ZNF506: variants seen among roughly 807,000 people sequenced by gnomAD.
ZNF506 encodes zinc finger protein 506.
ZNF506 carries 10 observed loss-of-function variants against 11.6 expected under a neutral mutation model. The observed-to-expected ratio is 0.86, with a 90% CI of 0.53 to 1.46. The LOEUF is 1.46. ZNF506 is among the 40% of genes most tolerant of loss of function. ZNF506 has a pLI of 0.00. For missense variants in ZNF506, 425 were observed against 521.2 expected (o/e 0.82, Z 1.80); for synonymous variants, 156 against 173.3 (o/e 0.90, Z 0.78).
chr19:19,807,170 T>C (rs2062842262), intron 1 of ZNF506, 102 bp from the exon 2 acceptor site: 1 of 1,554,632 alleles, frequency 6.4e-7, no homozygotes, highest in Admixed American at 2.0e-5. Flanking sequence ...GGTTCTGACT[T>C]ATAGGACTAA....
chr19:19,808,252 T>C (rs1337620215), intron 1 of ZNF506, among the ~76,000 whole-genome samples: 1 of 149,600 alleles, frequency 6.7e-6, no homozygotes, highest in African/African-American at 2.5e-5. Flanking sequence ...GCCTCCCGAG[T>C]AGCTGGGACT....
intron 1 of ZNF506, among the ~76,000 whole-genome samples, chr19:19,812,882 C>T (rs1229835663): frequency 6.6e-6 from 1 of 152,196 alleles, no homozygotes; most frequent in African/African-American, 2.4e-5. Context: ...GCATGAGAAA[C>T]ATGAACATTA....
intron 1 of ZNF506, among the ~76,000 whole-genome samples, chr19:19,811,737 G>A (rs556364692): frequency 6.6e-6 from 1 of 152,120 alleles, no homozygotes; most frequent in African/African-American, 2.4e-5. Flanking sequence ...GGGTGGCAGA[G>A]GTTGCAGTGA....
intron 3 of ZNF506, among the ~76,000 whole-genome samples, chr19:19,804,128 A>T (rs8106100): frequency 6.6e-6 from 1 of 151,832 alleles, no homozygotes; most frequent in Non-Finnish European, 1.5e-5. Flanking sequence ...CAAAAGAAAC[A>T]ACCATCAGAA....
chr19:19,804,698 G>A (rs1356251864), intron 3 of ZNF506, among the ~76,000 whole-genome samples: 1 of 152,136 alleles, frequency 6.6e-6, no homozygotes, highest in African/African-American at 2.4e-5. Flanking sequence ...GTCCATCAAT[G>A]ACAGACTGGA....
At chr19:19,801,290 A>C (rs1359421551) in intron 3 of ZNF506, among the ~76,000 whole-genome samples, 1 of 152,246 alleles carries the variant, frequency 6.6e-6, no homozygotes, top group Non-Finnish European at 1.5e-5. Flanking sequence ...CAGGAGTTCA[A>C]GATCAGCCTG....
intron 3 of ZNF506, chr19:19,796,006 C>G (rs943655039): frequency 1.7e-5 from 5 of 286,764 alleles, no homozygotes; most frequent in African/African-American, 6.8e-5. Flanking sequence ...ATTGCGGGCC[C>G]GGTGTGGTAG....
rs531593791 is a variant in ZNF506, at chr19:19,817,487, A to G, written c.3+4114T>C. ...AGTACCTCAAAACAATAACAACTTC[A>G]TCATCAGTAAGACTCTCTCAGTTTC... On this transcript the variant is annotated intron_variant, in intron 1 of 3. Coordinates refer to ENST00000540806, the MANE Select transcript of ZNF506 (RefSeq NM_001099269.3). 4.6e-5 allele frequency among the ~76,000 whole-genome samples: 7 copies of G among 151,416 alleles called. No individual in the cohort carries two copies. In the East Asian group the frequency reaches 1.4e-3, roughly 29 times the overall value.
chr19:19,797,340 G>C (rs932613711), intron 3 of ZNF506: 2 of 151,938 alleles, frequency 1.3e-5, no homozygotes, highest in African/African-American at 4.8e-5. Flanking sequence ...CAGCTATTCA[G>C]GGGGCTGAGG....
intron 3 of ZNF506, chr19:19,797,115 GC>G (rs2062748869): frequency 6.8e-6 from 1 of 146,800 alleles, no homozygotes; most frequent in Non-Finnish European, 1.5e-5. Flanking sequence ...ATTTTCAAAA[GC>G]AACAATAAAA....
intron 1 of ZNF506, among the ~76,000 whole-genome samples, chr19:19,816,546 G>A (rs891419727): frequency 5.3e-5 from 8 of 152,128 alleles, no homozygotes; most frequent in African/African-American, 1.9e-4. Flanking sequence ...TTGTAGTAGA[G>A]ACAGGGTTTC....
At chr19:19,812,126 C>G (rs916073559) in intron 1 of ZNF506, among the ~76,000 whole-genome samples, 2 of 152,172 alleles carry the variant, frequency 1.3e-5, no homozygotes, top group African/African-American at 4.8e-5. Flanking sequence ...ATCTGGGTAC[C>G]AACCAAAGAC....
At position 19,794,103 on chromosome 19, in the gene ZNF506, A is replaced by G. The variant is rs2062717179; in HGVS notation, c.*449T>C. On this transcript the variant is annotated 3_prime_UTR_variant, in exon 4 of 4. Transcript: ENST00000540806. Reference sequence around the variant, plus strand: ...GGTGGGTGGACCATCTGAGGTCAGGAGTTGGAGACCAGTCTGGCAAACATG... The same window carrying G: ...GGTGGGTGGACCATCTGAGGTCAGGGGTTGGAGACCAGTCTGGCAAACATG... The G allele has an allele frequency of 6.3e-6, 1 of 158,560 alleles. No homozygotes were observed. Among genetic ancestry groups the G allele is most frequent in the South Asian group, 1.8e-4 (1 of 5,556 alleles). The allele number at this position is 158,560 out of a possible 1,614,324, so 9.8% of individuals were successfully genotyped here.
chr19:19,795,236 A>G lies in ZNF506; in HGVS notation c.651T>C (p.Thr217=), dbSNP rs1209094043. 3.7e-6 allele frequency: 6 copies of G among 1,613,874 alleles called. No individual in the cohort carries two copies. Among genetic ancestry groups the G allele is most frequent in the Middle Eastern group, 1.6e-4 (1 of 6,082 alleles). ...GKAYKQSSHL[T]THKKIHTGEK... ...CTCCAGTATGAATTTTCTTATGTGT[A>G]GTAAGGTGTGAGGACTGCTTATAGG... Residue 217 remains threonine, a synonymous_variant, in exon 4 of 4, where the codon ACT becomes ACC. Transcript: ENST00000540806.
chr19:19,821,497 T>A, intron 1 of ZNF506, 104 bp downstream of exon 1: 2 of 1,468,238 alleles, frequency 1.4e-6, no homozygotes, highest in Non-Finnish European at 9.5e-7. Flanking sequence ...TGGAGCTGAC[T>A]GCCGGGAGGC....
At position 19,794,674 on chromosome 19, in the gene ZNF506, C is replaced by T; in HGVS notation, c.1213G>A (p.Ala405Thr). 2.5e-6 allele frequency: 4 copies of T among 1,614,102 alleles called. No homozygotes were observed. The highest frequency in any genetic ancestry group is 1.1e-5 in the South Asian group (1 of 91,074). Residue 405 changes from alanine (A) to threonine (T), a missense_variant, in exon 4 of 4, where the codon GCT becomes ACT. By Grantham distance (58) the Ala-to-Thr change is moderately conservative. Transcript: ENST00000540806. ...TTAAGGGCTGAGGACCAGTTAAAAG[C>T]TTTGCCACATTCTTCACATTTGTAC... ...KPYKCEECGKAFNWSSALNKH... is the reference protein window; with the variant it reads ...KPYKCEECGKTFNWSSALNKH...
intron 3 of ZNF506, among the ~76,000 whole-genome samples, chr19:19,803,503 T>C (rs1265400297): frequency 1.3e-5 from 2 of 152,214 alleles, no homozygotes; most frequent in Non-Finnish European, 2.9e-5. Context: ...AAACATGTCC[T>C]AATGTCTGCC....
chr19:19,807,550 A>T (rs914486991), intron 1 of ZNF506, among the ~76,000 whole-genome samples: 4 of 152,116 alleles, frequency 2.6e-5, no homozygotes, highest in African/African-American at 9.7e-5. Context: ...CTTGTTGCCC[A>T]GGCTGGAGTG....
Position 19,806,050 on chromosome 19 carries a change from C to T in ZNF506, c.207G>A (p.Glu69=). 2 of 1,610,036 alleles carry T rather than the reference C, an allele frequency of 1.2e-6. No homozygotes were observed. The highest frequency in any genetic ancestry group is 1.7e-6 in the Non-Finnish European group (2 of 1,178,662). The change falls in exon 3 of 4, where the codon GAG becomes GAA. Residue 69 remains glutamate (E), a synonymous_variant. Transcript: ENST00000540806. Reference sequence around the variant, plus strand: ...ACCTACCTGGGGGTTTGGCAATCATCTCATGCCTCTTCATAGTTAAAGGTT... The same window carrying T: ...ACCTACCTGGGGGTTTGGCAATCATTTCATGCCTCTTCATAGTTAAAGGTT... The part of the protein sequence containing the change: ...GKKPLTMKRH[E]MIAKPPVMYS...
Sources: allele counts gnomAD v4.1 joint callset (sites outside exome capture counted in the v4.1 genomes callset), GRCh38; gene constraint gnomAD v4.1.1; transcripts MANE v1.5; gene names NCBI Gene and HGNC (gene_info 2026-07-23, HGNC 2026-07-21).